MAF: variants seen among roughly 807,000 people sequenced by gnomAD.
The protein encoded by MAF is transcription factor Maf.
In MAF, 10 loss-of-function variants were observed where a neutral mutation model predicts 22.0. The observed-to-expected ratio is 0.45, with a 90% CI of 0.28 to 0.77. The LOEUF (loss-of-function observed/expected upper bound fraction) is 0.77. MAF is among the 30% of genes least tolerant of loss of function. MAF has a pLI of 0.12. For synonymous variants in MAF, 337 were observed against 255.8 expected, an observed-to-expected ratio of 1.32 and a Z score of -3.03; for missense variants, 544 against 548.4, an observed-to-expected ratio of 0.99 and a Z score of 0.08.
chr16:79,549,270 T>C, the MAF span, among the ~76,000 whole-genome samples: 12 of 152,244 alleles, frequency 7.9e-5, no homozygotes, highest in Non-Finnish European at 1.2e-4. Flanking sequence ...CATCAGCTCA[T>C]TGAGCAGAAC....
At chr16:79,317,559 T>A in the MAF span, among the ~76,000 whole-genome samples, 21 of 151,278 alleles carry the variant, frequency 1.4e-4, no homozygotes, top group African/African-American at 4.9e-4. Flanking sequence ...TCCTTCCTTC[T>A]TTCCATCTTT....
the MAF span, among the ~76,000 whole-genome samples, chr16:79,545,629 A>G: frequency 6.6e-6 from 1 of 152,042 alleles, no homozygotes; most frequent in Non-Finnish European, 1.5e-5. Context: ...GAGGCATCTT[A>G]TTTTTTGGTC....
the MAF span, among the ~76,000 whole-genome samples, chr16:79,532,895 TAAAG>T: frequency 6.6e-6 from 1 of 152,178 alleles, no homozygotes; most frequent in Admixed American, 6.5e-5. Flanking sequence ...ACAGTTAAAA[TAAAG>T]AAAACAAATA....
At chr16:79,252,489 AT>A in the MAF span, among the ~76,000 whole-genome samples, 6 of 150,990 alleles carry the variant, frequency 4.0e-5, no homozygotes, top group African/African-American at 1.5e-4. Context: ...CCTGGTTTCG[AT>A]TTTTTTTCTT....
chr16:79,361,722 C>CA, the MAF span, among the ~76,000 whole-genome samples: 111 of 151,848 alleles, frequency 7.3e-4, no homozygotes, highest in Admixed American at 1.2e-3. Flanking sequence ...ATTTGGTGGT[C>CA]TTTCATCTCC....
At chr16:79,566,941 G>A in the MAF span, among the ~76,000 whole-genome samples, 1 of 152,136 alleles carries the variant, frequency 6.6e-6, no homozygotes, top group South Asian at 2.1e-4. Context: ...TACCTCTTAG[G>A]GCATTTTATA....
At chr16:79,480,505 G>T in the MAF span, among the ~76,000 whole-genome samples, 2 of 152,192 alleles carry the variant, frequency 1.3e-5, no homozygotes, top group Non-Finnish European at 2.9e-5. Flanking sequence ...AAATCAGCAT[G>T]TAGGAGAAAA....
At chr16:79,428,190 G>A in the MAF span, among the ~76,000 whole-genome samples, 1 of 151,084 alleles carries the variant, frequency 6.6e-6, no homozygotes, top group South Asian at 2.1e-4. Flanking sequence ...TGAAATAGAT[G>A]GAGTGTCTTT....
the MAF span, among the ~76,000 whole-genome samples, chr16:79,556,666 T>C: frequency 6.6e-6 from 1 of 152,236 alleles, no homozygotes. Flanking sequence ...CTCTCTCTTA[T>C]TCTTCATCTT....
At chr16:79,566,590 C>G in the MAF span, among the ~76,000 whole-genome samples, 47 of 152,340 alleles carry the variant, frequency 3.1e-4, no homozygotes, top group Middle Eastern at 3.4e-3. Context: ...CCATTTGGCC[C>G]TCCTGACCAC....
chr16:79,305,948 C>T, the MAF span, among the ~76,000 whole-genome samples: 2 of 152,174 alleles, frequency 1.3e-5, no homozygotes, highest in African/African-American at 4.8e-5. Context: ...AGACCCTGGG[C>T]TCCAGCAACG....
At chr16:79,572,134 T>A in the MAF span, among the ~76,000 whole-genome samples, 1 of 152,226 alleles carries the variant, frequency 6.6e-6, no homozygotes, top group African/African-American at 2.4e-5. Context: ...ATTTGTAGCA[T>A]TTTGGAGCAA....
chr16:79,490,653 C>G, the MAF span, among the ~76,000 whole-genome samples: 1 of 152,054 alleles, frequency 6.6e-6, no homozygotes, highest in African/African-American at 2.4e-5. Flanking sequence ...TATTATAAGA[C>G]TTAGAAAAAT....
the MAF span, among the ~76,000 whole-genome samples, chr16:79,263,906 T>C: frequency 6.6e-6 from 1 of 152,188 alleles, no homozygotes; most frequent in Non-Finnish European, 1.5e-5. Context: ...CCACATCCCT[T>C]AATCCCTCTG....
At chr16:79,208,396 G>A in the MAF span, among the ~76,000 whole-genome samples, 17 of 149,968 alleles carry the variant, frequency 1.1e-4, no homozygotes, top group African/African-American at 3.9e-4. Flanking sequence ...AAAAAAAATC[G>A]TTTAGGGGAA....
the MAF span, among the ~76,000 whole-genome samples, chr16:79,499,624 G>T: frequency 2.6e-5 from 4 of 152,140 alleles, no homozygotes; most frequent in Non-Finnish European, 4.4e-5. Flanking sequence ...GAGCTGCCTT[G>T]TCCCTTCCCC....
the MAF span, among the ~76,000 whole-genome samples, chr16:79,544,049 T>C: frequency 6.6e-6 from 1 of 152,126 alleles, no homozygotes; most frequent in African/African-American, 2.4e-5. Flanking sequence ...CATCTTTGAA[T>C]GCTAGACTAA....
the MAF span, among the ~76,000 whole-genome samples, chr16:79,370,946 T>C: frequency 1.3e-5 from 2 of 152,186 alleles, no homozygotes; most frequent in East Asian, 1.9e-4. Context: ...TATGTAACAA[T>C]CCACCTCAAG....
the MAF span, among the ~76,000 whole-genome samples, chr16:79,211,115 G>C: frequency 4.0e-5 from 6 of 151,698 alleles, 1 homozygote; most frequent in Middle Eastern, 6.3e-3. Flanking sequence ...CGTGGGCAAA[G>C]CATAAAGGGA....
Sources: allele counts gnomAD v4.1 joint callset (sites outside exome capture counted in the v4.1 genomes callset), GRCh38; gene constraint gnomAD v4.1.1; transcripts MANE v1.5; gene names NCBI Gene and HGNC (gene_info 2026-07-23, HGNC 2026-07-21).